The following THRB variants were observed in gnomAD, a reference collection of about 807,000 sequenced individuals.
THRB encodes thyroid hormone receptor beta.
THRB carries 12 observed loss-of-function variants against 47.8 expected under a neutral mutation model. That is an observed-to-expected ratio of 0.25 (90% CI 0.16 to 0.41). THRB has a LOEUF of 0.41. THRB is among the 10% of genes least tolerant of loss of function. The pLI, the probability that THRB is intolerant of heterozygous loss-of-function variation, is 1.00. For synonymous variants in THRB, 218 were observed against 212.2 expected (o/e 1.03, Z -0.24); for missense variants, 348 against 589.2 (o/e 0.59, Z 4.24).
At position 24,450,156 on chromosome 3, in the gene THRB, T is replaced by C. The variant is rs565939480; in HGVS notation, c.-261+44496A>G. On this transcript the variant is annotated intron_variant, in intron 1 of 10. Transcript: ENST00000646209. The stretch of plus-strand genomic sequence containing the variant: ...TTATACAATTAAAAATCTCGTTTAA[T>C]TATTTAAGAAAGAAAACTTCCACAG... Among the ~76,000 whole-genome samples, 8 of 152,148 alleles carry C rather than the reference T, an allele frequency of 5.3e-5. No individual in the cohort carries two copies. The South Asian group carries it at 8.3e-4, about 16-fold the overall frequency.
At chr3:24,206,866 A>G (rs977812273) in intron 4 of THRB, among the ~76,000 whole-genome samples, 2 of 152,206 alleles carry the variant, frequency 1.3e-5, no homozygotes, top group African/African-American at 4.8e-5. Flanking sequence ...AATACTATAA[A>G]AACCTCTACA....
intron 3 of THRB, 92 bp from the exon 4 acceptor site, chr3:24,229,093 C>A: frequency 1.3e-6 from 1 of 794,028 alleles, no homozygotes. Context: ...CATTAATTAC[C>A]TTGAAGCAAT....
chr3:24,332,750 G>A (rs373024684), intron 2 of THRB, among the ~76,000 whole-genome samples: 1 of 152,126 alleles, frequency 6.6e-6, no homozygotes, highest in Non-Finnish European at 1.5e-5. Context: ...TTGGGGAAAG[G>A]AAAAGGAGAT....
chr3:24,353,882 G>GCATT (rs1413681687), intron 1 of THRB, among the ~76,000 whole-genome samples: 1 of 152,004 alleles, frequency 6.6e-6, no homozygotes, highest in Non-Finnish European at 1.5e-5. Flanking sequence ...CTCTTGCTAA[G>GCATT]CATTGCTAAA....
At chr3:24,324,668 A>G (rs1385562755) in intron 2 of THRB, among the ~76,000 whole-genome samples, 1 of 152,252 alleles carries the variant, frequency 6.6e-6, no homozygotes, top group Non-Finnish European at 1.5e-5. Context: ...AACATATTAA[A>G]TAAAAACATA....
chr3:24,225,346 A>C (rs1197042589), intron 4 of THRB, among the ~76,000 whole-genome samples: 2 of 152,194 alleles, frequency 1.3e-5, no homozygotes, highest in Non-Finnish European at 2.9e-5. Context: ...TGATAAAGAA[A>C]ATACCTTCCC....
chr3:24,470,367 T>G (rs2074470681), intron 1 of THRB, among the ~76,000 whole-genome samples: 1 of 152,184 alleles, frequency 6.6e-6, no homozygotes, highest in South Asian at 2.1e-4. Flanking sequence ...ATGGAGTATT[T>G]AAGAACTTAC....
chr3:24,164,113 C>A (rs1479968667), intron 5 of THRB, among the ~76,000 whole-genome samples: 1 of 152,122 alleles, frequency 6.6e-6, no homozygotes, highest in Non-Finnish European at 1.5e-5. Context: ...GAGATTCTGG[C>A]ATATCTGCAC....
intron 1 of THRB, among the ~76,000 whole-genome samples, chr3:24,445,607 T>A (rs28379580): frequency 1.3e-5 from 2 of 151,380 alleles, no homozygotes; most frequent in Non-Finnish European, 1.5e-5. Context: ...ATTTTTAAAA[T>A]TTTTTTTAAA....
chr3:24,383,131 C>T lies in THRB; in HGVS notation c.-260-45760G>A, dbSNP rs539614456. On this transcript the variant is annotated intron_variant, in intron 1 of 10. Coordinates refer to ENST00000646209, the MANE Select transcript of THRB (RefSeq NM_001354712.2). ...ACTTGTTTGCGATTAATATCTATTT[C>T]CTTTTGCCAGACTATAAGCTCTAGG... 1.1e-4 allele frequency among the ~76,000 whole-genome samples: 16 copies of T among 152,212 alleles called. No homozygotes were observed. In the South Asian group the frequency reaches 3.3e-3, roughly 32 times the overall value.
chr3:24,177,090 A>G (rs2041258810), intron 5 of THRB, among the ~76,000 whole-genome samples: 1 of 152,226 alleles, frequency 6.6e-6, no homozygotes, highest in African/African-American at 2.4e-5. Context: ...TAATGGAGAT[A>G]CACTATAGAA....
At chr3:24,300,780 A>C (rs2056883325) in intron 2 of THRB, among the ~76,000 whole-genome samples, 1 of 152,222 alleles carries the variant, frequency 6.6e-6, no homozygotes, top group Non-Finnish European at 1.5e-5. Flanking sequence ...ATATATTACA[A>C]GCTTGTATAT....
chr3:24,207,125 A>C (rs1314147316), intron 4 of THRB, among the ~76,000 whole-genome samples: 1 of 152,154 alleles, frequency 6.6e-6, no homozygotes, highest in Non-Finnish European at 1.5e-5. Context: ...AAAAGAGGGA[A>C]TCCTCCCTAA....
intron 5 of THRB, among the ~76,000 whole-genome samples, chr3:24,154,401 G>A (rs1472125692): frequency 1.3e-5 from 2 of 152,202 alleles, no homozygotes; most frequent in African/African-American, 4.8e-5. Flanking sequence ...ACAAAAATGA[G>A]TAAGACATGG....
chr3:24,279,136 T>A (rs753756062), intron 3 of THRB, among the ~76,000 whole-genome samples: 11 of 152,252 alleles, frequency 7.2e-5, no homozygotes, highest in Non-Finnish European at 1.3e-4. Context: ...TGAACCTCTA[T>A]GACTGGCTTA....
chr3:24,206,270 A>C (rs2045339084), intron 4 of THRB, among the ~76,000 whole-genome samples: 1 of 152,236 alleles, frequency 6.6e-6, no homozygotes, highest in African/African-American at 2.4e-5. Context: ...TCCTCAGCAA[A>C]TGTAAAAGAA....
At chr3:24,155,529 G>T (rs2037686884) in intron 5 of THRB, among the ~76,000 whole-genome samples, 1 of 152,204 alleles carries the variant, frequency 6.6e-6, no homozygotes, top group Non-Finnish European at 1.5e-5. Context: ...CACACATAGT[G>T]ACTAGGTAGG....
chr3:24,327,064 A>G (rs2061645174), intron 2 of THRB, among the ~76,000 whole-genome samples: 1 of 152,142 alleles, frequency 6.6e-6, no homozygotes, highest in Non-Finnish European at 1.5e-5. Context: ...CTCCCTGTCA[A>G]AGCTGTCCAT....
rs969490349 is a variant in THRB, at chr3:24,399,069, G to A, written c.-260-61698C>T. Among the ~76,000 whole-genome samples, 2 of 151,804 alleles carry A rather than the reference G, an allele frequency of 1.3e-5. 1 individual carries two copies. Among genetic ancestry groups the A allele is most frequent in the Non-Finnish European group, 2.9e-5 (2 of 67,960 alleles). The stretch of plus-strand genomic sequence containing the variant: ...CAGGAAGGGGAACATCACACACCGG[G>A]GCCTGTTGTGGGGTGGGGGGAGTGG... On this transcript the variant is annotated intron_variant, in intron 1 of 10. Coordinates refer to ENST00000646209, the MANE Select transcript of THRB (RefSeq NM_001354712.2).
Sources: allele counts gnomAD v4.1 joint callset (sites outside exome capture counted in the v4.1 genomes callset), GRCh38; gene constraint gnomAD v4.1.1; transcripts MANE v1.5; gene names NCBI Gene and HGNC (gene_info 2026-07-23, HGNC 2026-07-21).